The following PDGFRA variants were observed in gnomAD, a reference collection of about 807,000 sequenced individuals.
PDGFRA encodes the protein platelet-derived growth factor receptor alpha.
A neutral mutation model predicts 121.5 loss-of-function variants in PDGFRA; 25 were observed. The observed-to-expected ratio is 0.21, with a 90% CI of 0.15 to 0.29. The LOEUF is 0.29. Among genes scored for constraint, PDGFRA ranks in the 10% least tolerant of loss-of-function variants. The pLI, the probability that PDGFRA is intolerant of heterozygous loss-of-function variation, is 1.00. For missense variants in PDGFRA, 1,008 were observed against 1,345.1 expected (o/e 0.75, Z 3.92); for synonymous variants, 463 against 494.8 (o/e 0.94, Z 0.85).
intron 1 of PDGFRA, among the ~76,000 whole-genome samples, chr4:54,243,203 C>T (rs1721407750): frequency 6.6e-6 from 1 of 152,204 alleles, no homozygotes; most frequent in African/African-American, 2.4e-5. Context: ...TGTCTGATCG[C>T]ATAGTGCACT....
chr4:54,295,045 T>C, intron 22 of PDGFRA, 80 bp from the exon 23 acceptor site: 2 of 1,421,998 alleles, frequency 1.4e-6, no homozygotes, highest in Non-Finnish European at 9.9e-7. Context: ...CCAAAGGCTT[T>C]CGTTTGTCTC....
intron 2 of PDGFRA, among the ~76,000 whole-genome samples, chr4:54,259,924 G>A (rs922481435): frequency 2.0e-5 from 3 of 152,054 alleles, no homozygotes; most frequent in Admixed American, 6.6e-5. Context: ...TGCTCCATGG[G>A]TTTATTATCT....
chr4:54,240,106 G>T, intron 1 of PDGFRA: 1 of 400,560 alleles, frequency 2.5e-6, no homozygotes, highest in Non-Finnish European at 5.2e-6. Context: ...GCCTGCCTCA[G>T]CTTCCCAAGG....
intron 4 of PDGFRA, chr4:54,264,439 T>C (rs1722922721): frequency 4.0e-6 from 1 of 247,510 alleles, no homozygotes; most frequent in African/African-American, 2.3e-5. Flanking sequence ...TACACTGTTT[T>C]AAAATCAGAG....
intron 4 of PDGFRA, chr4:54,264,437 T>A (rs1722922596): frequency 4.0e-6 from 1 of 247,260 alleles, no homozygotes; most frequent in Admixed American, 5.2e-5. Flanking sequence ...AGTACACTGT[T>A]TTAAAATCAG....
chr4:54,286,325 T>G (rs532765275), intron 18 of PDGFRA, among the ~76,000 whole-genome samples: 2 of 90,764 alleles, frequency 2.2e-5, no homozygotes, highest in East Asian at 6.3e-4. Flanking sequence ...GCTATTTTAT[T>G]TATTTATTTA....
At chr4:54,243,976 C>A (rs887207944) in intron 1 of PDGFRA, among the ~76,000 whole-genome samples, 6 of 152,206 alleles carry the variant, frequency 3.9e-5, no homozygotes, top group African/African-American at 1.4e-4. Flanking sequence ...GCACAGCAGC[C>A]TGAGATCAAA....
chr4:54,252,029 C>T (rs11942406), intron 1 of PDGFRA, among the ~76,000 whole-genome samples: 6,884 of 152,252 alleles, frequency 0.045, 520 homozygotes, highest in African/African-American at 0.16. Context: ...AACTATGATA[C>T]ACCAGTTATT....
At position 54,297,259 on chromosome 4, in the gene PDGFRA, C is replaced by T; in HGVS notation, c.*1987C>T. On this transcript the variant is annotated 3_prime_UTR_variant, in exon 23 of 23. Transcript: ENST00000257290. ...AAACATGGGCTGTGATTACTGCAAT[C>T]ACTGTGCTATCGGCAGATGATGCTT... 1 of 233,690 alleles carries T rather than the reference C, an allele frequency of 4.3e-6. No homozygotes were observed. The highest frequency in any genetic ancestry group is 8.5e-6 in the Non-Finnish European group (1 of 118,044). The allele number at this position is 233,690 out of a possible 1,614,324, so 14.5% of individuals were successfully genotyped here.
chr4:54,233,970 C>A (rs1720860500), intron 1 of PDGFRA, among the ~76,000 whole-genome samples: 1 of 152,224 alleles, frequency 6.6e-6, no homozygotes, highest in Admixed American at 6.5e-5. Flanking sequence ...GACAGCGCGG[C>A]CCGGGAACGG....
chr4:54,241,455 TAA>T (rs1721292097), intron 1 of PDGFRA, among the ~76,000 whole-genome samples: 1 of 152,164 alleles, frequency 6.6e-6, no homozygotes, highest in African/African-American at 2.4e-5. Context: ...TAAGTCACGA[TAA>T]AGTTTATACA....
intron 15 of PDGFRA, among the ~76,000 whole-genome samples, chr4:54,279,536 CT>C (rs1340722727): frequency 1.3e-5 from 2 of 152,116 alleles, no homozygotes; most frequent in Non-Finnish European, 2.9e-5. Flanking sequence ...TTTTACATTT[CT>C]TTTTTTCCCT....
chr4:54,246,647 A>G (rs1721684680), intron 1 of PDGFRA, among the ~76,000 whole-genome samples: 1 of 152,104 alleles, frequency 6.6e-6, no homozygotes, highest in African/African-American at 2.4e-5. Flanking sequence ...TAACATCACA[A>G]TTAAAAGAAC....
At chr4:54,287,386 C>G (rs2110340889) in intron 18 of PDGFRA, 44 bp from the exon 19 acceptor site, 1 of 811,518 alleles carries the variant, frequency 1.2e-6, no homozygotes, top group East Asian at 2.4e-5. Context: ...TGTGGATCAT[C>G]AGTGAGTAGA....
At chr4:54,291,582 C>T (rs1387102600) in intron 22 of PDGFRA, among the ~76,000 whole-genome samples, 1 of 152,116 alleles carries the variant, frequency 6.6e-6, no homozygotes, top group Non-Finnish European at 1.5e-5. Flanking sequence ...GATGAGATAC[C>T]ATCTCACACC....
chr4:54,274,468 T>C lies in PDGFRA; in HGVS notation c.1559-63T>C. ...CTGGCTCAGACACAGCCACACTACC[T>C]TGCTGCCCCTGTGCATGTCTGCCAG... On this transcript the variant is annotated intron_variant, in intron 10 of 22. Transcript: ENST00000257290. 3 of 1,158,484 alleles carry C rather than the reference T, an allele frequency of 2.6e-6. No individual in the cohort carries two copies. The East Asian group carries it at 7.0e-5, about 27-fold the overall frequency. 71.8% of individuals were successfully genotyped at this position (1,158,484 alleles called of 1,614,324 possible).
intron 1 of PDGFRA, among the ~76,000 whole-genome samples, chr4:54,258,520 A>T (rs951880591): frequency 6.6e-6 from 1 of 152,054 alleles, no homozygotes; most frequent in Non-Finnish European, 1.5e-5. Flanking sequence ...ACCATTGAAA[A>T]CTGCATGCAA....
chr4:54,233,455 G>T (rs1225504539), intron 1 of PDGFRA, among the ~76,000 whole-genome samples: 1 of 152,246 alleles, frequency 6.6e-6, no homozygotes, highest in Non-Finnish European at 1.5e-5. Context: ...TAAGATTCGC[G>T]GGGCTGTCGC....
intron 2 of PDGFRA, among the ~76,000 whole-genome samples, chr4:54,260,111 T>G (rs956709373): frequency 6.6e-6 from 1 of 152,208 alleles, no homozygotes; most frequent in African/African-American, 2.4e-5. Context: ...GAAGATGAAC[T>G]TAGAGTTTTC....
Sources: allele counts gnomAD v4.1 joint callset (sites outside exome capture counted in the v4.1 genomes callset), GRCh38; gene constraint gnomAD v4.1.1; transcripts MANE v1.5; gene names NCBI Gene and HGNC (gene_info 2026-07-23, HGNC 2026-07-21).